The following SOX5 variants were observed in gnomAD, a reference collection of about 807,000 sequenced individuals.
SOX5 encodes SRY-box transcription factor 5.
A neutral mutation model predicts 92.0 loss-of-function variants in SOX5; 9 were observed. The ratio of observed to expected loss-of-function variants is 0.10; its 90% CI spans 0.06 to 0.17. The LOEUF (loss-of-function observed/expected upper bound fraction) is 0.17, where lower values mean the gene tolerates loss of function less well. Among genes scored for constraint, SOX5 ranks in the 10% least tolerant of loss-of-function variants. The pLI, the probability that SOX5 is intolerant of heterozygous loss-of-function variation, is 1.00. For synonymous variants in SOX5, 344 were observed against 336.3 expected (o/e 1.02, Z -0.25); for missense variants, 642 against 944.5 (o/e 0.68, Z 4.20).
At chr12:23,618,793 T>C (rs1435293286) in intron 8 of SOX5, among the ~76,000 whole-genome samples, 7 of 152,308 alleles carry the variant, frequency 4.6e-5, no homozygotes, top group Non-Finnish European at 1.0e-4. Flanking sequence ...AATGCTACTA[T>C]GGGAAAACAC....
intron 3 of SOX5, among the ~76,000 whole-genome samples, chr12:23,843,614 T>C (rs71450403): frequency 8.0e-6 from 1 of 125,566 alleles, no homozygotes; most frequent in African/African-American, 3.0e-5. Flanking sequence ...CCCAGGCTGG[T>C]GTGCAGTGGC....
chr12:23,790,558 A>T (rs1402332010), intron 3 of SOX5, among the ~76,000 whole-genome samples: 4 of 150,960 alleles, frequency 2.6e-5, no homozygotes, highest in African/African-American at 9.7e-5. Context: ...TCACACACAC[A>T]CACACACACA....
intron 3 of SOX5, among the ~76,000 whole-genome samples, chr12:23,831,340 G>T (rs2096314954): frequency 2.0e-5 from 3 of 151,918 alleles, no homozygotes; most frequent in Admixed American, 6.6e-5. Flanking sequence ...AAACATCCAG[G>T]AATAAACATA....
At chr12:23,573,844 C>G (rs1430671728) in intron 10 of SOX5, among the ~76,000 whole-genome samples, 1 of 151,986 alleles carries the variant, frequency 6.6e-6, no homozygotes, top group South Asian at 2.1e-4. Flanking sequence ...GCCCTAGGGA[C>G]AGGCCTATGT....
At chr12:23,839,039 G>GTATTTTT (rs1281495106) in intron 3 of SOX5, among the ~76,000 whole-genome samples, 1 of 150,996 alleles carries the variant, frequency 6.6e-6, no homozygotes, top group African/African-American at 2.4e-5. Flanking sequence ...AGTAGAGACA[G>GTATTTTT]GGTTTTACCA....
At chr12:23,924,052 T>A (rs1284177908) in intron 1 of SOX5, among the ~76,000 whole-genome samples, 1 of 152,204 alleles carries the variant, frequency 6.6e-6, no homozygotes, top group Admixed American at 6.5e-5. Flanking sequence ...ATTTTTGTCA[T>A]ACCTTTTCCA....
At position 24,077,119 on chromosome 12, in the gene SOX5, G is replaced by A. The variant is rs187840745; in HGVS notation, c.-2+136224C>T. On this transcript the variant is annotated intron_variant, in intron 4 of 4. Coordinates refer to the SOX5 transcript ENST00000446891. The stretch of plus-strand genomic sequence containing the variant: ...CTTTTGCAGATTTAACAATCAATAT[G>A]GAGCACCATATGATAGCTATGGCTC... Among the ~76,000 whole-genome samples the A allele has an allele frequency of 2.0e-5, 3 of 152,234 alleles. No individual in the cohort carries two copies. In the East Asian group the frequency reaches 5.8e-4, roughly 29 times the overall value.
At chr12:24,284,300 C>T (rs1001637545) in intron 2 of SOX5, among the ~76,000 whole-genome samples, 1 of 152,076 alleles carries the variant, frequency 6.6e-6, no homozygotes, top group African/African-American at 2.4e-5. Flanking sequence ...CTGCTAATCC[C>T]TGGTGTAGGC....
intron 1 of SOX5, among the ~76,000 whole-genome samples, chr12:24,371,988 T>TAA (rs946592470): frequency 6.9e-6 from 1 of 144,142 alleles, no homozygotes; most frequent in Non-Finnish European, 1.5e-5. Flanking sequence ...ACTCTGCCTT[T>TAA]AAAAAAAAAA....
chr12:23,964,929 T>A (rs1419652966), intron 4 of SOX5, among the ~76,000 whole-genome samples: 1 of 152,134 alleles, frequency 6.6e-6, no homozygotes, highest in East Asian at 1.9e-4. Context: ...AGCGAAGAAA[T>A]CAACTTGAAG....
chr12:24,118,348 C>T (rs990821910), intron 4 of SOX5, among the ~76,000 whole-genome samples: 5 of 151,990 alleles, frequency 3.3e-5, no homozygotes, highest in African/African-American at 1.2e-4. Flanking sequence ...TACATTGAAA[C>T]ATCACATTGT....
chr12:24,104,294 A>G (rs11047261), intron 4 of SOX5, among the ~76,000 whole-genome samples: 10,992 of 152,226 alleles, frequency 0.072, 575 homozygotes, highest in African/African-American at 0.14. Context: ...AGGTTCAATT[A>G]TTTATTCATT....
At chr12:23,754,349 G>A (rs192867259) in intron 4 of SOX5, among the ~76,000 whole-genome samples, 1 of 151,902 alleles carries the variant, frequency 6.6e-6, no homozygotes, top group Admixed American at 6.6e-5. Flanking sequence ...ATGCCTCAGG[G>A]GTAAATGGGT....
intron 1 of SOX5, among the ~76,000 whole-genome samples, chr12:23,922,779 G>C (rs562284409): frequency 1.3e-5 from 2 of 152,178 alleles, no homozygotes; most frequent in South Asian, 2.1e-4. Context: ...CTTGGCATGA[G>C]GAAATAAAGA....
chr12:24,199,023 G>T (rs1336850256), intron 4 of SOX5, among the ~76,000 whole-genome samples: 1 of 152,178 alleles, frequency 6.6e-6, no homozygotes, highest in Non-Finnish European at 1.5e-5. Flanking sequence ...AATGATCAAG[G>T]TCCGAGAGGC....
intron 1 of SOX5, among the ~76,000 whole-genome samples, chr12:24,459,941 T>C (rs1329127380): frequency 2.0e-5 from 3 of 152,102 alleles, no homozygotes; most frequent in South Asian, 4.1e-4. Flanking sequence ...CAGAGAAAAA[T>C]TGAGTATGTA....
chr12:24,263,527 C>CAAAAAAAAAAA (rs386375915), intron 3 of SOX5, among the ~76,000 whole-genome samples: 58 of 63,184 alleles, frequency 9.2e-4, no homozygotes, highest in African/African-American at 1.1e-3. Context: ...GACTCCGTCT[C>CAAAAAAAAAAA]AAAAAAAAAA....
chr12:23,857,923 G>A (rs6487362), intron 2 of SOX5, among the ~76,000 whole-genome samples: 81,831 of 151,582 alleles, frequency 0.54, 22,432 homozygotes, highest in East Asian at 0.78. Flanking sequence ...TAGTAGAGAC[G>A]GGGTTTCGCC....
At chr12:23,813,125 G>A (rs756788865) in intron 3 of SOX5, among the ~76,000 whole-genome samples, 1 of 152,008 alleles carries the variant, frequency 6.6e-6, no homozygotes, top group Non-Finnish European at 1.5e-5. Flanking sequence ...AGTGTATCGG[G>A]CATACAACAA....
Sources: allele counts gnomAD v4.1 joint callset (sites outside exome capture counted in the v4.1 genomes callset), GRCh38; gene constraint gnomAD v4.1.1; transcripts MANE v1.5; gene names NCBI Gene and HGNC (gene_info 2026-07-23, HGNC 2026-07-21).